The following PPFIBP1 variants were observed in gnomAD, a reference collection of about 807,000 sequenced individuals.
The protein encoded by PPFIBP1 is liprin-beta-1.
PPFIBP1 carries 112 observed loss-of-function variants against 137.8 expected under a neutral mutation model. The ratio of observed to expected loss-of-function variants is 0.81; its 90% CI spans 0.70 to 0.95. The LOEUF (loss-of-function observed/expected upper bound fraction) is 0.95. Among genes scored for constraint, PPFIBP1 ranks in the 40% least tolerant of loss-of-function variants. The probability of loss-of-function intolerance (pLI) is 0.00; values close to 1 mark genes in which losing one functional copy is unlikely to be tolerated. For synonymous variants in PPFIBP1, 378 were observed against 417.3 expected (o/e 0.91, Z 1.15); for missense variants, 1,083 against 1,196.6 (o/e 0.91, Z 1.40).
At chr12:27,529,586 C>G (rs1944173976) in intron 1 of PPFIBP1, among the ~76,000 whole-genome samples, 1 of 152,144 alleles carries the variant, frequency 6.6e-6, no homozygotes, top group Non-Finnish European at 1.5e-5. Context: ...CCCAGCTACT[C>G]AGGAGGCTGA....
chr12:27,598,325 G>C (rs902499461), intron 2 of PPFIBP1, among the ~76,000 whole-genome samples: 6 of 152,200 alleles, frequency 3.9e-5, no homozygotes, highest in South Asian at 2.1e-4. Flanking sequence ...GCAGGCAAGA[G>C]AGAGAGCATG....
At chr12:27,651,946 A>G (rs1324730605) in intron 7 of PPFIBP1, among the ~76,000 whole-genome samples, 2 of 152,152 alleles carry the variant, frequency 1.3e-5, no homozygotes, top group African/African-American at 4.8e-5. Context: ...CTTGTCATCA[A>G]ACTTCCTGTA....
chr12:27,551,556 GA>G (rs1309703442), intron 1 of PPFIBP1, among the ~76,000 whole-genome samples: 2 of 149,422 alleles, frequency 1.3e-5, no homozygotes, highest in South Asian at 2.1e-4. Flanking sequence ...CAAAAAAATA[GA>G]AAAAAAATTA....
intron 2 of PPFIBP1, among the ~76,000 whole-genome samples, chr12:27,589,828 A>G (rs1389774504): frequency 1.3e-5 from 2 of 152,190 alleles, no homozygotes; most frequent in African/African-American, 2.4e-5. Context: ...TTTCAGGCCT[A>G]TCATAGTGTC....
chr12:27,664,404 A>G lies in PPFIBP1; in HGVS notation c.949A>G (p.Lys317Glu). ...TCTTCGACAGTGCCTGAACAGGTACAAGAAAATGCAAGACACGGTGGTACT... is the reference window on the plus strand; with the variant it reads ...TCTTCGACAGTGCCTGAACAGGTACGAGAAAATGCAAGACACGGTGGTACT... ...EDLRQCLNRY[K>E]KMQDTVVLAQ... The change falls in exon 12 of 30, where the codon AAG becomes GAG. Residue 317 changes from lysine (K) to glutamate (E), a missense_variant. Coordinates refer to ENST00000228425, the MANE Select transcript of PPFIBP1 (RefSeq NM_003622.4). 1 of 1,613,218 alleles carries G rather than the reference A, an allele frequency of 6.2e-7. No individual in the cohort carries two copies. The highest frequency in any genetic ancestry group is 8.5e-7 in the Non-Finnish European group (1 of 1,179,280).
At chr12:27,561,446 A>G (rs1002810481) in intron 1 of PPFIBP1, among the ~76,000 whole-genome samples, 1 of 152,196 alleles carries the variant, frequency 6.6e-6, no homozygotes, top group Non-Finnish European at 1.5e-5. Flanking sequence ...GCTTAAAATA[A>G]TCTTTATAAC....
At chr12:27,676,640 A>G in intron 18 of PPFIBP1, 41 bp downstream of exon 18, 2 of 1,451,734 alleles carry the variant, frequency 1.4e-6, no homozygotes, top group Non-Finnish European at 1.9e-6. Flanking sequence ...TTCTTCCACA[A>G]GGAGGAAAAG....
chr12:27,581,333 T>C (rs2051094092), intron 2 of PPFIBP1, among the ~76,000 whole-genome samples: 1 of 152,202 alleles, frequency 6.6e-6, no homozygotes, highest in African/African-American at 2.4e-5. Flanking sequence ...TGCTGTCTGG[T>C]TGTACCACTT....
chr12:27,692,001 G>C, intron 28 of PPFIBP1, 73 bp downstream of exon 28: 1 of 1,279,344 alleles, frequency 7.8e-7, no homozygotes, highest in Middle Eastern at 1.9e-4. Context: ...TTTGTATACT[G>C]TGTCTGATCA....
At chr12:27,548,404 T>G (rs4931102) in intron 1 of PPFIBP1, 48,723 of 152,028 alleles carry the variant, frequency 0.32, 8,320 homozygotes, top group Middle Eastern at 0.47. Flanking sequence ...ATTTTAGTCA[T>G]AGTCGAGGAT....
At chr12:27,645,974 T>G in intron 4 of PPFIBP1, 88 bp from the exon 5 acceptor site, 2 of 990,974 alleles carry the variant, frequency 2.0e-6, no homozygotes, top group Non-Finnish European at 3.1e-6. Context: ...TCAGGCCCCT[T>G]GGACTAAGAA....
At chr12:27,604,886 C>T (rs1210245192) in intron 2 of PPFIBP1, among the ~76,000 whole-genome samples, 1 of 152,156 alleles carries the variant, frequency 6.6e-6, no homozygotes, top group East Asian at 1.9e-4. Context: ...CAAGGAGGAA[C>T]AAGTCACATC....
intron 2 of PPFIBP1, among the ~76,000 whole-genome samples, chr12:27,588,379 C>T (rs1466366870): frequency 6.6e-6 from 1 of 152,134 alleles, no homozygotes; most frequent in Non-Finnish European, 1.5e-5. Context: ...TTGCTGGTTG[C>T]AATATGGTAC....
intron 2 of PPFIBP1, among the ~76,000 whole-genome samples, chr12:27,588,946 T>C (rs1161752186): frequency 5.3e-5 from 8 of 152,240 alleles, no homozygotes. Flanking sequence ...TGAGGCTTTT[T>C]ACCAATTGTG....
At chr12:27,678,856 C>CAAAAAA (rs60834907) in intron 19 of PPFIBP1, among the ~76,000 whole-genome samples, 6 of 98,958 alleles carry the variant, frequency 6.1e-5, no homozygotes, top group African/African-American at 1.3e-4. Flanking sequence ...GACTCTGTCT[C>CAAAAAA]AAAAAAAAAA....
At chr12:27,536,373 G>A (rs1945004628) in intron 1 of PPFIBP1, among the ~76,000 whole-genome samples, 1 of 152,200 alleles carries the variant, frequency 6.6e-6, no homozygotes, top group African/African-American at 2.4e-5. Flanking sequence ...CAGGCTGTAC[G>A]TGAAGCATAG....
intron 1 of PPFIBP1, among the ~76,000 whole-genome samples, chr12:27,555,605 G>T (rs897681712): frequency 6.6e-6 from 1 of 152,154 alleles, no homozygotes; most frequent in African/African-American, 2.4e-5. Flanking sequence ...GAAAGCAAAA[G>T]CTGTTTTGAC....
chr12:27,625,666 C>T (rs2056757907), intron 2 of PPFIBP1, among the ~76,000 whole-genome samples: 1 of 149,916 alleles, frequency 6.7e-6, no homozygotes, highest in Non-Finnish European at 1.5e-5. Flanking sequence ...CCACTGCAAT[C>T]TCAGCCTCCC....
chr12:27,683,862 A>G (rs1037866447), intron 24 of PPFIBP1, among the ~76,000 whole-genome samples: 6 of 151,938 alleles, frequency 3.9e-5, no homozygotes, highest in Non-Finnish European at 5.9e-5. Flanking sequence ...ATCTCGGCTC[A>G]CTGCAACCTC....
Sources: allele counts gnomAD v4.1 joint callset (sites outside exome capture counted in the v4.1 genomes callset), GRCh38; gene constraint gnomAD v4.1.1; transcripts MANE v1.5; gene names NCBI Gene and HGNC (gene_info 2026-07-23, HGNC 2026-07-21).